GLIPR1: variants seen among roughly 807,000 people sequenced by gnomAD.
GLIPR1 encodes the protein GLI pathogenesis related 1.
Under a neutral mutation model 30.3 loss-of-function variants are expected in GLIPR1, and 38 were observed. The ratio of observed to expected loss-of-function variants is 1.26; its 90% CI spans 0.97 to 1.65. GLIPR1 has a LOEUF of 1.65. Among genes scored for constraint, GLIPR1 ranks in the 40% most tolerant of loss-of-function variants. The pLI, the probability that GLIPR1 is intolerant of heterozygous loss-of-function variation, is 0.00. For synonymous variants in GLIPR1, 122 were observed against 110.6 expected (o/e 1.10, Z -0.65); for missense variants, 285 against 326.5 (o/e 0.87, Z 0.98).
chr12:75,490,744 A>G (rs2046319247), intron 3 of GLIPR1: 2 of 396,862 alleles, frequency 5.0e-6, no homozygotes, highest in Non-Finnish European at 4.6e-6. Flanking sequence ...GTGTGTGTGT[A>G]CATCCTTTAT....
intron 1 of GLIPR1, chr12:75,481,390 C>CTT (rs1436079195): frequency 7.4e-6 from 1 of 134,594 alleles, no homozygotes; most frequent in African/African-American, 3.5e-5. Flanking sequence ...TCTAAATTTA[C>CTT]TTTTTTTGCT....
rs748434419 is a variant in GLIPR1, at chr12:75,498,859, T to C, written c.682T>C (p.Tyr228His). 1.9e-6 allele frequency: 3 copies of C among 1,612,064 alleles called. No homozygotes were observed. Among genetic ancestry groups the C allele is most frequent in the Non-Finnish European group, 1.7e-6 (2 of 1,178,562 alleles). Residue 228 changes from tyrosine (Y) to histidine (H), a missense_variant, in exon 6 of 6, where the codon TAT (tyrosine) becomes CAT (histidine). Coordinates refer to ENST00000266659, the MANE Select transcript of GLIPR1 (RefSeq NM_006851.3). ...YSVVYPGWPI[Y>H]PRNRYTSLFL... ...TGTTGTATATCCAGGCTGGCCCATA[T>C]ATCCACGTAACAGATACACTTCTCT...
chr12:75,485,361 G>A (rs1156347042), intron 2 of GLIPR1, among the ~76,000 whole-genome samples: 23 of 152,132 alleles, frequency 1.5e-4, no homozygotes, highest in Admixed American at 1.5e-3. Context: ...TCGACATTCT[G>A]TTGCTGACAG....
At chr12:75,483,187 G>C (rs2046279325) in intron 2 of GLIPR1, among the ~76,000 whole-genome samples, 1 of 152,086 alleles carries the variant, frequency 6.6e-6, no homozygotes. Context: ...AACAATTTTG[G>C]TTTACATTTA....
At chr12:75,486,267 G>C (rs956012231) in intron 2 of GLIPR1, among the ~76,000 whole-genome samples, 2 of 151,904 alleles carry the variant, frequency 1.3e-5, no homozygotes, top group African/African-American at 4.8e-5. Flanking sequence ...TTATAATTAT[G>C]GTTTTTTGTT....
Position 75,495,636 on chromosome 12 carries a change from A to T in GLIPR1, c.593A>T (p.Asn198Ile). 2 of 1,609,274 alleles carry T rather than the reference A, an allele frequency of 1.2e-6. No individual in the cohort carries two copies. Among genetic ancestry groups the T allele is most frequent in the Non-Finnish European group, 1.7e-6 (2 of 1,175,704 alleles). The part of the protein sequence containing the change: ...RGATCSACPN[N>I]DKCLDNLCVN... ...GCCACCTGCAGTGCCTGCCCCAATAATGACAAGTGTTTGGACAATCTCTGT... is the reference window on the plus strand; with the variant it reads ...GCCACCTGCAGTGCCTGCCCCAATATTGACAAGTGTTTGGACAATCTCTGT... Residue 198 changes from asparagine to isoleucine, a missense_variant, in exon 4 of 6, where the codon AAT becomes ATT. Asn to Ile is a moderately radical substitution (Grantham distance 149). Coordinates refer to ENST00000266659, the MANE Select transcript of GLIPR1 (RefSeq NM_006851.3).
In GLIPR1 at chr12:75,498,702, C is replaced by T; in HGVS notation, c.628C>T (p.Gln210Ter). The change falls in exon 5 of 6, where the codon CAG becomes TAG. Residue 210 changes from glutamine (Q) to a stop codon, truncating the protein, a stop_gained. Transcript: ENST00000266659. LOFTEE classifies it low-confidence loss of function (END_TRUNC). ...KCLDNLCVNR[Q>*]RDQVKRYYSV... is the part of the protein sequence containing the mutation. The stretch of plus-strand genomic sequence containing the variant: ...TCCCCCTAACTTTACAGTTAACCGA[C>T]AGCGAGACCAAGTCAAACGTACGTA... The T allele has an allele frequency of 6.2e-7, 1 of 1,612,482 alleles. No homozygotes were observed. Among genetic ancestry groups the T allele is most frequent in the Non-Finnish European group, 8.5e-7 (1 of 1,178,790 alleles).
chr12:75,481,843 C>G lies in GLIPR1; in HGVS notation c.184C>G (p.Pro62Ala), dbSNP rs201262620. Reference sequence around the variant, plus strand: ...ATGTTTATTTTTGCAGACTTGGGACCCAGCACTAGCCCAAATTGCAAAAGC... The same window carrying G: ...ATGTTTATTTTTGCAGACTTGGGACGCAGCACTAGCCCAAATTGCAAAAGC... ...ASDMLYMTWD[P>A]ALAQIAKAWA... The change falls in exon 2 of 6, where the codon CCA becomes GCA. Residue 62 changes from proline to alanine, a missense_variant. By Grantham distance (27) the Pro-to-Ala change is conservative. Transcript: ENST00000266659. 6.2e-7 allele frequency: 1 copy of G among 1,613,990 alleles called. No homozygotes were observed. The highest frequency in any genetic ancestry group is 8.5e-7 in the Non-Finnish European group (1 of 1,179,908).
rs569567014 is a variant in GLIPR1, at chr12:75,499,350, T to C, written c.*372T>C. On this transcript the variant is annotated 3_prime_UTR_variant, in exon 6 of 6. Coordinates refer to ENST00000266659, the MANE Select transcript of GLIPR1 (RefSeq NM_006851.3). Reference sequence around the variant, plus strand: ...GCATGCTGCTTCGACTCTAAATATCTGGTTTTCCCTGTCTTTTTGGTTTAC... The same window carrying C: ...GCATGCTGCTTCGACTCTAAATATCCGGTTTTCCCTGTCTTTTTGGTTTAC... 6.1e-6 allele frequency: 1 copy of C among 163,644 alleles called. No individual in the cohort carries two copies. The highest frequency in any genetic ancestry group is 1.3e-5 in the Non-Finnish European group (1 of 76,354). The allele number at this position is 163,644 out of a possible 1,614,324, so 10.1% of individuals were successfully genotyped here. A position where few individuals can be genotyped will look rare whatever the true frequency, so the allele number is the denominator to read the frequency against.
intron 5 of GLIPR1, 21 bp downstream of exon 5, chr12:75,498,741 T>C (rs1022969224): frequency 4.3e-6 from 7 of 1,609,972 alleles, no homozygotes; most frequent in African/African-American, 1.3e-5. Flanking sequence ...CAATCTTAAA[T>C]TGTTTCATTA....
At chr12:75,488,596 T>C (rs187720175) in intron 2 of GLIPR1, among the ~76,000 whole-genome samples, 11 of 151,260 alleles carry the variant, frequency 7.3e-5, no homozygotes, top group African/African-American at 2.4e-4. Flanking sequence ...CAAGATGGAG[T>C]TGCTCTAGTT....
At chr12:75,485,470 G>A (rs997045211) in intron 2 of GLIPR1, among the ~76,000 whole-genome samples, 3 of 152,042 alleles carry the variant, frequency 2.0e-5, no homozygotes, top group African/African-American at 7.2e-5. Context: ...ACTAGATGGC[G>A]CTACTGATCT....
intron 3 of GLIPR1, chr12:75,491,130 A>T (rs138614608): frequency 1.3e-5 from 2 of 152,128 alleles, no homozygotes; most frequent in Admixed American, 1.3e-4. Context: ...GCTGTGAAAA[A>T]TTTTCCTTTT....
In GLIPR1 at chr12:75,490,559, C is replaced by A. The variant is rs573572648; in HGVS notation, c.533+41C>A. The A allele has an allele frequency of 7.9e-5, 14 of 177,300 alleles. 4 individuals are homozygous for A. Among genetic ancestry groups the A allele is most frequent in the East Asian group, 2.5e-4 (2 of 7,906 alleles). 11.0% of individuals were successfully genotyped at this position (177,300 alleles called of 1,614,324 possible). A position where few individuals can be genotyped will look rare whatever the true frequency, so the allele number is the denominator to read the frequency against. On this transcript the variant is annotated intron_variant, in intron 3 of 5. Coordinates refer to ENST00000266659, the MANE Select transcript of GLIPR1 (RefSeq NM_006851.3). ...AACCGGTTTATAGGAAACGCCCCCCCCCCCCCGCAAAAAAAAACAACAACA... is the reference window on the plus strand; with the variant it reads ...AACCGGTTTATAGGAAACGCCCCCCACCCCCCGCAAAAAAAAACAACAACA...
chr12:75,500,036 G>C lies in GLIPR1; in HGVS notation c.*1058G>C. 9.9e-7 allele frequency: 1 copy of C among 1,014,514 alleles called. No individual in the cohort carries two copies. Among genetic ancestry groups the C allele is most frequent in the Non-Finnish European group, 1.4e-6 (1 of 704,088 alleles). 62.8% of individuals were successfully genotyped at this position (1,014,514 alleles called of 1,614,324 possible). ...AATATATGTTTAACAAAGAATATAT[G>C]TTTAAGGCAGTTAACTTCAGAGTAT... On this transcript the variant is annotated 3_prime_UTR_variant, in exon 6 of 6. Transcript: ENST00000266659.
chr12:75,490,592 A>AC lies in GLIPR1; in HGVS notation c.533+75dup, dbSNP rs1555239766. ...CAAAAAAAAACAACAACAAAAAAAA[A>AC]CATTTTAGCAGTATTCCTCTTCATT... On this transcript the variant is annotated intron_variant, in intron 3 of 5. Transcript: ENST00000266659. 126 of 541,352 alleles carry AC rather than the reference A, an allele frequency of 2.3e-4. 12 individuals carry two copies. In the African/African-American group the frequency reaches 2.5e-3, roughly 11 times the overall value. 33.5% of individuals were successfully genotyped at this position (541,352 alleles called of 1,614,324 possible).
Position 75,495,588 on chromosome 12 carries a change from CA to C in GLIPR1, c.547del (p.Thr183LeufsTer61). ...CTTCTGCTTTACAGAGGGAATTACC[CA>C]ACTTGGCCATATAAGAGAGGAGCCA... ...ICNYGPGGNY[P>X]TWPYKRGATC... is the part of the protein sequence containing the mutation. On this transcript the variant is annotated frameshift_variant, in exon 4 of 6. Transcript: ENST00000266659. LOFTEE classifies it high-confidence loss of function. 1 of 1,601,822 alleles carries C rather than the reference CA, an allele frequency of 6.2e-7. No homozygotes were observed. Among genetic ancestry groups the C allele is most frequent in the Non-Finnish European group, 8.6e-7 (1 of 1,169,002 alleles).
Position 75,496,007 on chromosome 12 carries a change from TTG to T in GLIPR1, c.619+347_619+348del, listed in dbSNP as rs1491294044. The T allele has an allele frequency of 1.2e-3, 152 of 129,164 alleles. 1 individual carries two copies. Among genetic ancestry groups the T allele is most frequent in the East Asian group, 9.8e-3 (41 of 4,192 alleles). The allele number at this position is 129,164 out of a possible 1,614,324, so 8.0% of individuals were successfully genotyped here. ...CAGAATTCTGTTTTCGTTTTTTTTT[TTG>T]TTTTTTTTTTTTGAGACAGAGTCTT... On this transcript the variant is annotated intron_variant, in intron 4 of 5. Transcript: ENST00000266659.
rs1293842323 is a variant in GLIPR1, at chr12:75,499,491, A to ATATT, written c.*516_*519dup. On this transcript the variant is annotated 3_prime_UTR_variant, in exon 6 of 6. Coordinates refer to ENST00000266659, the MANE Select transcript of GLIPR1 (RefSeq NM_006851.3). ...AAACTTTCAAAAGGGATAAACCTAA[A>ATATT]TATTTACTTGTTATCATTAGAGAGG... 2 of 172,560 alleles carry ATATT rather than the reference A, an allele frequency of 1.2e-5. No homozygotes were observed. The highest frequency in any genetic ancestry group is 6.2e-5 in the Admixed American group (1 of 16,020). 10.7% of individuals were successfully genotyped at this position (172,560 alleles called of 1,614,324 possible). A position where few individuals can be genotyped will look rare whatever the true frequency, so the allele number is the denominator to read the frequency against.
Sources: gnomAD v4.1 joint callset for allele counts (sites outside exome capture counted in the v4.1 genomes callset) on GRCh38, gnomAD v4.1.1 for gene constraint, MANE v1.5 for transcripts, NCBI Gene and HGNC (gene_info 2026-07-23, HGNC 2026-07-21) for gene names.